Variants in TAFA1 observed in about 807,000 individuals in gnomAD.
The protein encoded by TAFA1 is chemokine-like protein TAFA-1.
In TAFA1, 4 loss-of-function variants were observed where a neutral mutation model predicts 18.5. The observed-to-expected ratio is 0.22, with a 90% CI of 0.11 to 0.49. The LOEUF (loss-of-function observed/expected upper bound fraction) is 0.49, where lower values mean the gene tolerates loss of function less well. TAFA1 is among the 20% of genes least tolerant of loss of function. TAFA1 has a pLI of 0.98. For synonymous variants in TAFA1, 56 were observed against 55.2 expected (o/e 1.01, Z -0.06); for missense variants, 147 against 169.0 (o/e 0.87, Z 0.72).
intron 2 of TAFA1, among the ~76,000 whole-genome samples, chr3:68,020,749 T>G (rs1303343898): frequency 1.3e-5 from 2 of 152,316 alleles, no homozygotes; most frequent in East Asian, 3.9e-4. Context: ...ATATAGATTT[T>G]TATGGTTAAT....
chr3:68,488,528 TG>T (rs1414645950), intron 3 of TAFA1, among the ~76,000 whole-genome samples: 1 of 152,182 alleles, frequency 6.6e-6, no homozygotes, highest in Admixed American at 6.5e-5. Flanking sequence ...CACTGAGACT[TG>T]GGACTCTTAA....
chr3:68,181,423 A>G (rs2066197920), intron 2 of TAFA1, among the ~76,000 whole-genome samples: 1 of 152,048 alleles, frequency 6.6e-6, no homozygotes, highest in Non-Finnish European at 1.5e-5. Context: ...AAGTGAAGGC[A>G]GTAAATTTTT....
At chr3:68,026,140 T>C (rs957501831) in intron 2 of TAFA1, among the ~76,000 whole-genome samples, 13 of 152,174 alleles carry the variant, frequency 8.5e-5, no homozygotes, top group African/African-American at 2.9e-4. Context: ...CTCCACAGCC[T>C]TCAGCTCTTT....
chr3:68,147,621 T>G (rs1373454501), intron 2 of TAFA1, among the ~76,000 whole-genome samples: 1 of 152,188 alleles, frequency 6.6e-6, no homozygotes, highest in Non-Finnish European at 1.5e-5. Context: ...TGAATGCATG[T>G]CTCTATCTGT....
Position 68,125,530 on chromosome 3 carries a change from T to C in TAFA1, c.118+118786T>C, listed in dbSNP as rs565945298. ...ATACACTGGAGAGAGACACAGCCCCTGCCTGGGGCCATTGTAATATCTGAG... is the reference window on the plus strand; with the variant it reads ...ATACACTGGAGAGAGACACAGCCCCCGCCTGGGGCCATTGTAATATCTGAG... On this transcript the variant is annotated intron_variant, in intron 2 of 4. Transcript: ENST00000478136. 1.7e-3 allele frequency among the ~76,000 whole-genome samples: 253 copies of C among 152,330 alleles called. 1 individual carries two copies. Among genetic ancestry groups the C allele is most frequent in the African/African-American group, 5.7e-3 (236 of 41,580 alleles).
intron 2 of TAFA1, among the ~76,000 whole-genome samples, chr3:68,383,446 T>G (rs1342475756): frequency 6.6e-6 from 1 of 152,134 alleles, no homozygotes; most frequent in African/African-American, 2.4e-5. Context: ...GATAATGTGG[T>G]TTTTGTCTTT....
chr3:68,261,493 T>C (rs573370548), intron 2 of TAFA1, among the ~76,000 whole-genome samples: 22 of 152,254 alleles, frequency 1.4e-4, no homozygotes, highest in African/African-American at 5.1e-4. Context: ...CTATTCACAA[T>C]AGCAAAGTCT....
Position 68,491,114 on chromosome 3 carries a change from C to T in TAFA1, c.260-47642C>T, listed in dbSNP as rs180737490. On this transcript the variant is annotated intron_variant, in intron 3 of 4. Transcript: ENST00000478136. The stretch of plus-strand genomic sequence containing the variant: ...TCGGCCTTCTAAAGTGCTAGGATTA[C>T]AGGCATGACCCACTGCAGCTGGCCT... Among the ~76,000 whole-genome samples the T allele has an allele frequency of 5.5e-3, 837 of 152,282 alleles. 7 individuals carry two copies. Among genetic ancestry groups the T allele is most frequent in the African/African-American group, 0.02 (812 of 41,554 alleles).
At chr3:68,423,930 G>A (rs1055055553) in intron 3 of TAFA1, among the ~76,000 whole-genome samples, 1 of 151,948 alleles carries the variant, frequency 6.6e-6, no homozygotes, top group South Asian at 2.1e-4. Flanking sequence ...CCATTTGGAT[G>A]ACTGATTACT....
At chr3:68,120,186 T>TTTCA (rs1491438581) in intron 2 of TAFA1, among the ~76,000 whole-genome samples, 2 of 25,224 alleles carry the variant, frequency 7.9e-5, no homozygotes, top group African/African-American at 2.3e-4. Context: ...TCTTTCTTTC[T>TTTCA]TTCTTTCTTT....
chr3:68,532,614 G>T (rs1444289264), intron 3 of TAFA1, among the ~76,000 whole-genome samples: 4 of 152,064 alleles, frequency 2.6e-5, no homozygotes, highest in African/African-American at 4.8e-5. Flanking sequence ...GTTGGGGAGG[G>T]TGCATATTTG....
At chr3:68,041,882 G>T (rs1303736203) in intron 2 of TAFA1, among the ~76,000 whole-genome samples, 1 of 152,172 alleles carries the variant, frequency 6.6e-6, no homozygotes, top group Non-Finnish European at 1.5e-5. Flanking sequence ...TCCTATCTGA[G>T]CTCTTGGTTC....
intron 2 of TAFA1, among the ~76,000 whole-genome samples, chr3:68,315,864 G>C (rs942519976): frequency 1.3e-5 from 2 of 152,160 alleles, no homozygotes; most frequent in African/African-American, 4.8e-5. Flanking sequence ...TTTGTGAACT[G>C]ATAATGTGGT....
intron 2 of TAFA1, among the ~76,000 whole-genome samples, chr3:68,146,234 C>T (rs1023628640): frequency 2.0e-5 from 3 of 152,174 alleles, no homozygotes; most frequent in Non-Finnish European, 2.9e-5. Flanking sequence ...AGATGGGGGA[C>T]CCTGAGATTC....
At chr3:68,042,928 C>T (rs1273127296) in intron 2 of TAFA1, among the ~76,000 whole-genome samples, 2 of 152,098 alleles carry the variant, frequency 1.3e-5, no homozygotes, top group Non-Finnish European at 2.9e-5. Context: ...TGCTCTGTCA[C>T]CCAGGCTGGA....
intron 2 of TAFA1, among the ~76,000 whole-genome samples, chr3:68,017,787 G>T (rs1704599750): frequency 6.6e-6 from 1 of 152,156 alleles, no homozygotes; most frequent in Admixed American, 6.5e-5. Context: ...TTGAGTCCTC[G>T]CCTGATTCTT....
intron 2 of TAFA1, among the ~76,000 whole-genome samples, chr3:68,013,040 C>T (rs1200052788): frequency 6.6e-6 from 1 of 151,992 alleles, no homozygotes; most frequent in East Asian, 1.9e-4. Context: ...TTTTCGACAG[C>T]ATCTACCATA....
chr3:68,535,985 T>C (rs1214919274), intron 3 of TAFA1, among the ~76,000 whole-genome samples: 1 of 152,190 alleles, frequency 6.6e-6, no homozygotes, highest in Non-Finnish European at 1.5e-5. Flanking sequence ...TTGTGGCAAT[T>C]GCAAGCCATC....
intron 2 of TAFA1, among the ~76,000 whole-genome samples, chr3:68,103,137 G>A (rs772527928): frequency 6.6e-6 from 1 of 152,214 alleles, no homozygotes; most frequent in African/African-American, 2.4e-5. Context: ...GTTCCCTGCA[G>A]TGCAGGCTGG....
Sources: gnomAD v4.1 joint callset for allele counts (sites outside exome capture counted in the v4.1 genomes callset) on GRCh38, gnomAD v4.1.1 for gene constraint, MANE v1.5 for transcripts, NCBI Gene and HGNC (gene_info 2026-07-23, HGNC 2026-07-21) for gene names.